Variants in PTPRE observed in about 807,000 individuals in gnomAD.
PTPRE encodes the protein receptor-type tyrosine-protein phosphatase epsilon.
PTPRE carries 51 observed loss-of-function variants against 102.0 expected under a neutral mutation model. The ratio of observed to expected loss-of-function variants is 0.50; its 90% CI spans 0.40 to 0.63. The LOEUF (loss-of-function observed/expected upper bound fraction) is 0.63, where lower values mean the gene tolerates loss of function less well. Among genes scored for constraint, PTPRE ranks in the 30% least tolerant of loss-of-function variants. The pLI, the probability that PTPRE is intolerant of heterozygous loss-of-function variation, is 0.00. For missense variants in PTPRE, 752 were observed against 915.1 expected (o/e 0.82, Z 2.30); for synonymous variants, 345 against 348.2 (o/e 0.99, Z 0.10).
intron 12 of PTPRE, 162 bp downstream of exon 12, chr10:128,068,448 C>G (rs1437093235): frequency 6.8e-6 from 5 of 733,094 alleles, no homozygotes; most frequent in Non-Finnish European, 8.2e-6. Context: ...CCCAAGAACC[C>G]TACAGGAGAA....
At chr10:127,957,493 A>G (rs1277255988) in intron 1 of PTPRE, among the ~76,000 whole-genome samples, 3 of 152,156 alleles carry the variant, frequency 2.0e-5, no homozygotes, top group African/African-American at 7.2e-5. Context: ...TTTACTTCTT[A>G]ATCTGTATAC....
At chr10:128,027,977 A>G (rs1413763777) in intron 2 of PTPRE, among the ~76,000 whole-genome samples, 1 of 152,208 alleles carries the variant, frequency 6.6e-6, no homozygotes, top group African/African-American at 2.4e-5. Flanking sequence ...GTGGGACACC[A>G]GCACGCCGAG....
In PTPRE at chr10:127,993,116, C is replaced by T. The variant is rs1040926765; in HGVS notation, c.-8+10820C>T. The stretch of plus-strand genomic sequence containing the variant: ...TGAGGAAATAGACTCACTGAAATTG[C>T]GTATTCAGGTCTATGAAAGACAGAG... On this transcript the variant is annotated intron_variant, in intron 2 of 20. Transcript: ENST00000254667. 5.3e-5 allele frequency among the ~76,000 whole-genome samples: 8 copies of T among 152,168 alleles called. No homozygotes were observed. In the East Asian group the frequency reaches 5.8e-4, roughly 11 times the overall value.
chr10:127,928,645 T>A (rs985096862), intron 1 of PTPRE, among the ~76,000 whole-genome samples: 5 of 152,236 alleles, frequency 3.3e-5, no homozygotes, highest in Non-Finnish European at 5.9e-5. Context: ...TGCACTCATC[T>A]ACAACGCTGA....
chr10:128,073,066 C>A (rs1214494555), intron 16 of PTPRE, among the ~76,000 whole-genome samples: 1 of 152,202 alleles, frequency 6.6e-6, no homozygotes, highest in Non-Finnish European at 1.5e-5. Flanking sequence ...AGGTGCTGTT[C>A]AGGTGGCCAC....
Position 128,066,101 on chromosome 10 carries a change from C to G in PTPRE, c.750C>G (p.Asp250Glu). 6.2e-7 allele frequency: 1 copy of G among 1,614,194 alleles called. No homozygotes were observed. The highest frequency in any genetic ancestry group is 8.5e-7 in the Non-Finnish European group (1 of 1,180,030). The stretch of plus-strand genomic sequence containing the variant: ...AAAAGTGCCATCAGTACTGGCCCGA[C>G]CAAGGCTGCTGGACCTATGGAAACA... Reference protein sequence around the residue: ...KEEKCHQYWPDQGCWTYGNIR... With the variant: ...KEEKCHQYWPEQGCWTYGNIR... The change falls in exon 11 of 21, where the codon GAC (aspartate) becomes GAG (glutamate). Residue 250 changes from aspartate to glutamate, a missense_variant. Coordinates refer to ENST00000254667, the MANE Select transcript of PTPRE (RefSeq NM_006504.6).
rs751352191 is a variant in PTPRE at position 128,047,402 on chromosome 10, C to T, written c.122C>T (p.Pro41Leu). Residue 41 changes from proline (P) to leucine (L), a missense_variant, in exon 4 of 21, where the codon CCG becomes CTG. By Grantham distance (98) the Pro-to-Leu change is moderately conservative. Coordinates refer to ENST00000254667, the MANE Select transcript of PTPRE (RefSeq NM_006504.6). The part of the protein sequence containing the change: ...ETTTTSGPPD[P>L]GASQPLLAWL... The stretch of plus-strand genomic sequence containing the variant: ...GCTTCTCCTGCAGGCCCTCCGGACC[C>T]GGGCGCCTCCCAGCCGCTGCTGGCC... The T allele has an allele frequency of 3.7e-6, 6 of 1,612,824 alleles. No homozygotes were observed. Among genetic ancestry groups the T allele is most frequent in the East Asian group, 2.2e-5 (1 of 44,852 alleles).
intron 2 of PTPRE, among the ~76,000 whole-genome samples, chr10:127,992,225 G>A (rs978013412): frequency 1.3e-5 from 2 of 152,122 alleles, no homozygotes; most frequent in Admixed American, 6.5e-5. Context: ...GACCAGAAAA[G>A]GAGCAGAGGT....
At chr10:127,995,818 C>T (rs1290091528) in intron 2 of PTPRE, among the ~76,000 whole-genome samples, 3 of 120,264 alleles carry the variant, frequency 2.5e-5, no homozygotes, top group African/African-American at 1.1e-4. Flanking sequence ...ACCAACTCTA[C>T]ACGAGCACAC....
rs1021953741 is a variant in PTPRE at position 128,085,504 on chromosome 10, G to A, written c.*2598G>A. 1.3e-5 allele frequency: 2 copies of A among 153,756 alleles called. No homozygotes were observed. The highest frequency in any genetic ancestry group is 4.8e-5 in the African/African-American group (2 of 41,486). 9.5% of individuals were successfully genotyped at this position (153,756 alleles called of 1,614,324 possible). On this transcript the variant is annotated 3_prime_UTR_variant, in exon 21 of 21. Transcript: ENST00000254667. The stretch of plus-strand genomic sequence containing the variant: ...TCTCTCCATGTGCTATATGAATGAA[G>A]AATGCATACCAGTGTTTTAAAAGGT...
chr10:128,056,377 G>A (rs1848962645), intron 7 of PTPRE, among the ~76,000 whole-genome samples, 164 bp downstream of exon 7: 1 of 152,068 alleles, frequency 6.6e-6, no homozygotes, highest in Non-Finnish European at 1.5e-5. Context: ...TCCTCTTTAG[G>A]TGCCCATCTC....
rs113451945 is a variant in PTPRE, at chr10:128,066,298, C to T, written c.843+104C>T. Reference sequence around the variant, plus strand: ...TTTATGAAGTGCTTTGCTCCCAGCCCGGCACTGTCGCAGCCCTGGCTGAGA... The same window carrying T: ...TTTATGAAGTGCTTTGCTCCCAGCCTGGCACTGTCGCAGCCCTGGCTGAGA... On this transcript the variant is annotated intron_variant, in intron 11 of 20. Transcript: ENST00000254667. 1.4e-3 allele frequency: 2,147 copies of T among 1,527,552 alleles called. 24 individuals are homozygous for T. In the African/African-American group the frequency reaches 0.021, roughly 15 times the overall value. The allele number at this position is 1,527,552 out of a possible 1,614,324, so 94.6% of individuals were successfully genotyped here. A position where few individuals can be genotyped will look rare whatever the true frequency, so the allele number is the denominator to read the frequency against.
chr10:127,980,264 C>T (rs1373115370), intron 1 of PTPRE, among the ~76,000 whole-genome samples: 1 of 151,914 alleles, frequency 6.6e-6, no homozygotes, highest in Non-Finnish European at 1.5e-5. Flanking sequence ...ATATAGCTGC[C>T]CCAGTAGGTG....
At chr10:128,071,792 T>G in intron 15 of PTPRE, 1 of 203,218 alleles carries the variant, frequency 4.9e-6, no homozygotes, top group East Asian at 1.5e-4. Context: ...GGCCCTTGGT[T>G]TTCTGGGGCC....
intron 3 of PTPRE, among the ~76,000 whole-genome samples, chr10:128,041,772 C>T (rs531943704): frequency 4.0e-5 from 6 of 151,376 alleles, no homozygotes; most frequent in East Asian, 3.9e-4. Context: ...GAAGGGTTCA[C>T]GAGTGAACTG....
intron 1 of PTPRE, among the ~76,000 whole-genome samples, chr10:127,935,180 C>A (rs1457856927): frequency 6.6e-6 from 1 of 152,184 alleles, no homozygotes; most frequent in African/African-American, 2.4e-5. Flanking sequence ...CGGGCTCCAC[C>A]CTGCTTCTTC....
rs540007394 is a variant in PTPRE at position 127,938,672 on chromosome 10, C to A, written c.-31+31363C>A. Among the ~76,000 whole-genome samples, 5 of 152,206 alleles carry A rather than the reference C, an allele frequency of 3.3e-5. No homozygotes were observed. In the South Asian group the frequency reaches 8.3e-4, roughly 25 times the overall value. On this transcript the variant is annotated intron_variant, in intron 1 of 20. Coordinates refer to ENST00000254667, the MANE Select transcript of PTPRE (RefSeq NM_006504.6). ...TATAGCTTTAAGGCATATTTCACATCGATATTACTTCTTAATATATATATT... is the reference window on the plus strand; with the variant it reads ...TATAGCTTTAAGGCATATTTCACATAGATATTACTTCTTAATATATATATT...
At chr10:127,993,722 A>G (rs1442266795) in intron 2 of PTPRE, among the ~76,000 whole-genome samples, 1 of 152,100 alleles carries the variant, frequency 6.6e-6, no homozygotes, top group Non-Finnish European at 1.5e-5. Flanking sequence ...GGCAGGAAAA[A>G]AAGCTTTTTC....
At chr10:128,031,284 C>T (rs1311460045) in intron 2 of PTPRE, among the ~76,000 whole-genome samples, 1 of 152,232 alleles carries the variant, frequency 6.6e-6, no homozygotes, top group Non-Finnish European at 1.5e-5. Context: ...CTGTACTCAG[C>T]GAGGCCTGGG....
Sources: gnomAD v4.1 joint callset for allele counts (sites outside exome capture counted in the v4.1 genomes callset) on GRCh38, gnomAD v4.1.1 for gene constraint, MANE v1.5 for transcripts, NCBI Gene and HGNC (gene_info 2026-07-23, HGNC 2026-07-21) for gene names.